The following ACVR1C variants were observed in gnomAD, a reference collection of about 807,000 sequenced individuals.
ACVR1C encodes the protein activin A receptor type 1C, also known as activin receptor type-1C.
In ACVR1C, 23 loss-of-function variants were observed where a neutral mutation model predicts 57.9. That is an observed-to-expected ratio of 0.40 (90% CI 0.29 to 0.56). The LOEUF (loss-of-function observed/expected upper bound fraction) is 0.56, where lower values mean the gene tolerates loss of function less well. ACVR1C is among the 20% of genes least tolerant of loss of function. The probability of loss-of-function intolerance (pLI) is 0.50; values close to 1 mark genes in which losing one functional copy is unlikely to be tolerated. For synonymous variants in ACVR1C, 214 were observed against 215.3 expected, an observed-to-expected ratio of 0.99 and a Z score of 0.05; for missense variants, 480 against 607.9, an observed-to-expected ratio of 0.79 and a Z score of 2.21.
Position 157,550,399 on chromosome 2 carries a change from A to G in ACVR1C, c.545-7T>C. ...TGAACCAACAGAGGTAGACCTAACC[A>G]AAGAAAAGATGGAATTGATAATTAA... On this transcript the variant is annotated splice_polypyrimidine_tract_variant and splice_region_variant and intron_variant, in intron 3 of 8. Coordinates refer to ENST00000243349, the MANE Select transcript of ACVR1C (RefSeq NM_145259.3). 6.2e-7 allele frequency: 1 copy of G among 1,608,808 alleles called. No homozygotes were observed.
chr2:157,578,231 T>C (rs2105247885), intron 2 of ACVR1C, among the ~76,000 whole-genome samples: 1 of 152,304 alleles, frequency 6.6e-6, no homozygotes, highest in South Asian at 2.1e-4. Flanking sequence ...GATTTGTTTT[T>C]ATTATTCCAT....
chr2:157,575,964 C>G (rs1182425001), intron 2 of ACVR1C, among the ~76,000 whole-genome samples: 2 of 152,098 alleles, frequency 1.3e-5, no homozygotes. Flanking sequence ...ACAGATTTAC[C>G]TACACTCACA....
chr2:157,561,598 C>T (rs1688230759), intron 2 of ACVR1C, among the ~76,000 whole-genome samples: 1 of 152,180 alleles, frequency 6.6e-6, no homozygotes, highest in Non-Finnish European at 1.5e-5. Flanking sequence ...AGAGAGAACA[C>T]ACTACCACTA....
At chr2:157,554,125 G>A (rs1687991730) in intron 3 of ACVR1C, among the ~76,000 whole-genome samples, 1 of 149,660 alleles carries the variant, frequency 6.7e-6, no homozygotes, top group African/African-American at 2.5e-5. Flanking sequence ...AGAGGTTGCA[G>A]TGAGCCAAGA....
intron 2 of ACVR1C, among the ~76,000 whole-genome samples, chr2:157,565,850 G>A (rs1051997722): frequency 2.0e-5 from 3 of 152,154 alleles, no homozygotes; most frequent in Non-Finnish European, 4.4e-5. Context: ...ACATCAAGAG[G>A]CTGCAAATCT....
At chr2:157,609,961 C>T (rs574227306) in intron 1 of ACVR1C, among the ~76,000 whole-genome samples, 103 of 152,072 alleles carry the variant, frequency 6.8e-4, no homozygotes, top group Non-Finnish European at 1.1e-3. Context: ...TATTCAAGGT[C>T]ATTATTGATA....
chr2:157,552,964 A>G (rs1207686557), intron 3 of ACVR1C, among the ~76,000 whole-genome samples: 1 of 152,194 alleles, frequency 6.6e-6, no homozygotes, highest in Non-Finnish European at 1.5e-5. Flanking sequence ...ACCACAAGAG[A>G]AAAGCAGCAA....
In ACVR1C at chr2:157,581,915, G is replaced by C. The variant is rs190182240; in HGVS notation, c.304+5272C>G. Reference sequence around the variant, plus strand: ...AAATTGACAAATCCCTACAGGCAGAGGGGGAGATGTCAATCACACTCACTG... The same window carrying C: ...AAATTGACAAATCCCTACAGGCAGACGGGGAGATGTCAATCACACTCACTG... On this transcript the variant is annotated intron_variant, in intron 2 of 8. Transcript: ENST00000243349. 6.6e-5 allele frequency among the ~76,000 whole-genome samples: 10 copies of C among 152,318 alleles called. No individual in the cohort carries two copies. The East Asian group carries it at 1.9e-3, about 29-fold the overall frequency.
intron 6 of ACVR1C, 34 bp from the exon 7 acceptor site, chr2:157,541,248 T>C: frequency 1.2e-6 from 2 of 1,602,016 alleles, no homozygotes; most frequent in Non-Finnish European, 1.7e-6. Context: ...ATTCTGTCTA[T>C]GACTTTATAG....
intron 8 of ACVR1C, among the ~76,000 whole-genome samples, chr2:157,536,757 A>G (rs1687496620): frequency 6.6e-6 from 1 of 152,182 alleles, no homozygotes; most frequent in Admixed American, 6.5e-5. Context: ...ATAAGTCTAA[A>G]TAATGATGGT....
At chr2:157,616,422 C>T (rs1682653028) in intron 1 of ACVR1C, among the ~76,000 whole-genome samples, 1 of 152,108 alleles carries the variant, frequency 6.6e-6, no homozygotes, top group African/African-American at 2.4e-5. Flanking sequence ...ACACTCTCTA[C>T]CCTTCTACTG....
chr2:157,593,351 C>T (rs1230103934), intron 1 of ACVR1C, among the ~76,000 whole-genome samples: 1 of 152,166 alleles, frequency 6.6e-6, no homozygotes, highest in African/African-American at 2.4e-5. Context: ...ATGTTGGTTA[C>T]ATATTACTAC....
intron 2 of ACVR1C, among the ~76,000 whole-genome samples, chr2:157,563,222 T>C (rs1488885042): frequency 6.6e-6 from 1 of 152,142 alleles, no homozygotes; most frequent in African/African-American, 2.4e-5. Flanking sequence ...GAAAACCCCA[T>C]CACCTCAGCC....
At chr2:157,534,854 AAGTTTCAGATCAAG>A (rs1687442757) in intron 8 of ACVR1C, among the ~76,000 whole-genome samples, 1 of 152,064 alleles carries the variant, frequency 6.6e-6, no homozygotes, top group African/African-American at 2.4e-5. Flanking sequence ...AGCACACAGA[AAGTTTCAGATCAAG>A]ATGCCAGCCA....
chr2:157,576,586 C>A (rs989066415), intron 2 of ACVR1C, among the ~76,000 whole-genome samples: 3 of 152,118 alleles, frequency 2.0e-5, no homozygotes, highest in African/African-American at 7.2e-5. Context: ...TAAACTTGAA[C>A]TATGGCTCCC....
chr2:157,626,275 A>AT (rs561366761), intron 1 of ACVR1C, among the ~76,000 whole-genome samples: 2 of 152,170 alleles, frequency 1.3e-5, no homozygotes, highest in Non-Finnish European at 2.9e-5. Context: ...AGCCAGCCTG[A>AT]TTTTTTTAAT....
chr2:157,564,216 T>C (rs1688307117), intron 2 of ACVR1C, among the ~76,000 whole-genome samples: 1 of 152,090 alleles, frequency 6.6e-6, no homozygotes, highest in Non-Finnish European at 1.5e-5. Context: ...AATCTACCCA[T>C]TAGACAAAGG....
intron 1 of ACVR1C, among the ~76,000 whole-genome samples, chr2:157,603,964 C>T (rs1172092170): frequency 6.6e-6 from 1 of 152,086 alleles, no homozygotes. Context: ...TGGTGACCCA[C>T]ATCTCCCCAC....
At position 157,554,204 on chromosome 2, in the gene ACVR1C, A is replaced by AAAGAAAG. The variant is rs1687999972; in HGVS notation, c.544+1882_544+1888dup. Among the ~76,000 whole-genome samples, 5 of 66,756 alleles carry AAAGAAAG rather than the reference A, an allele frequency of 7.5e-5. No homozygotes were observed. The South Asian group carries it at 2.2e-3, about 30-fold the overall frequency. 43.8% of individuals were successfully genotyped at this position (66,756 alleles called of 152,430 possible). A position where few individuals can be genotyped will look rare whatever the true frequency, so the allele number is the denominator to read the frequency against. Reference sequence around the variant, plus strand: ...GAAAAAAAAAAAATAAAGAAGAGAGAAAGAAAGAAAGAAAGAAAGAAAGAA... The same window carrying AAAGAAAG: ...GAAAAAAAAAAAATAAAGAAGAGAGAAAGAAAGAAGAAAGAAAGAAAGAAAGAAAGAA... On this transcript the variant is annotated intron_variant, in intron 3 of 8. Transcript: ENST00000243349.
Sources: allele counts gnomAD v4.1 joint callset (sites outside exome capture counted in the v4.1 genomes callset), GRCh38; gene constraint gnomAD v4.1.1; transcripts MANE v1.5; gene names NCBI Gene and HGNC (gene_info 2026-07-23, HGNC 2026-07-21).